The following OVGP1 variants were observed in gnomAD, a reference collection of about 807,000 sequenced individuals.
The protein encoded by OVGP1 is oviductal glycoprotein 1.
Under a neutral mutation model 48.2 loss-of-function variants are expected in OVGP1, and 26 were observed. That is an observed-to-expected ratio of 0.54 (90% CI 0.40 to 0.75). The LOEUF (loss-of-function observed/expected upper bound fraction) is 0.75, where lower values mean the gene tolerates loss of function less well. Among genes scored for constraint, OVGP1 ranks in the 30% least tolerant of loss-of-function variants. The pLI is 0.00. For synonymous variants in OVGP1, 294 were observed against 305.7 expected (o/e 0.96, Z 0.40); for missense variants, 791 against 820.6 (o/e 0.96, Z 0.44).
chr1:111,423,656 CTG>C lies in OVGP1; in HGVS notation c.368_369del (p.Ser123CysfsTer9). 1 of 1,614,150 alleles carries C rather than the reference CTG, an allele frequency of 6.2e-7. No individual in the cohort carries two copies. The highest frequency in any genetic ancestry group is 1.1e-5 in the South Asian group (1 of 91,084). ...TFANREKFIA[S>X]VISLLRTHDF... ...TCATGTGTCCTCAGAAGGGATATAACTGAAGCAATAAACTTTTCACGGTTGGC... is the reference window on the plus strand; with the variant it reads ...TCATGTGTCCTCAGAAGGGATATAACAAGCAATAAACTTTTCACGGTTGGC... On this transcript the variant is annotated frameshift_variant, in exon 5 of 11. Transcript: ENST00000369732. LOFTEE classifies it high-confidence loss of function.
intron 4 of OVGP1, among the ~76,000 whole-genome samples, chr1:111,424,742 C>A (rs1451243480): frequency 6.6e-6 from 1 of 152,210 alleles, no homozygotes; most frequent in Admixed American, 6.5e-5. Flanking sequence ...CACACACTCC[C>A]AGCCCACCAG....
At position 111,419,029 on chromosome 1, in the gene OVGP1, A is replaced by G. The variant is rs990731474; in HGVS notation, c.1020+581T>C. On this transcript the variant is annotated intron_variant, in intron 9 of 10. Coordinates refer to ENST00000369732, the MANE Select transcript of OVGP1 (RefSeq NM_002557.4). ...TGAAAATTAAAGGTCATCCACCTGT[A>G]GAAACCTGTTTTTGCCTTAAAATGC... Among the ~76,000 whole-genome samples, 8 of 152,222 alleles carry G rather than the reference A, an allele frequency of 5.3e-5. No homozygotes were observed. The East Asian group carries it at 1.5e-3, about 29-fold the overall frequency.
At chr1:111,423,429 TTCTG>T in intron 5 of OVGP1, 110 bp downstream of exon 5, 1 of 1,156,680 alleles carries the variant, frequency 8.6e-7, no homozygotes. Flanking sequence ...TAAAAGAACA[TTCTG>T]TCACCCTCTT....
chr1:111,417,255 C>T (rs1053424623), intron 9 of OVGP1, among the ~76,000 whole-genome samples: 1 of 152,228 alleles, frequency 6.6e-6, no homozygotes, highest in Non-Finnish European at 1.5e-5. Flanking sequence ...CCTTATCTCA[C>T]CGTGATGCTA....
At chr1:111,417,017 T>A (rs2101722892) in intron 9 of OVGP1, among the ~76,000 whole-genome samples, 1 of 152,384 alleles carries the variant, frequency 6.6e-6, no homozygotes, top group Non-Finnish European at 1.5e-5. Flanking sequence ...CAACTGAATT[T>A]CAGACTTTAA....
chr1:111,419,866 G>A (rs1557783065), intron 8 of OVGP1, 140 bp from the exon 9 acceptor site: 1 of 631,346 alleles, frequency 1.6e-6, no homozygotes. Context: ...AGAGAGAATG[G>A]AGAGGCCACT....
intron 9 of OVGP1, 62 bp from the exon 10 acceptor site, chr1:111,416,520 C>T (rs1652141728): frequency 1.4e-6 from 2 of 1,459,484 alleles, no homozygotes; most frequent in Admixed American, 4.0e-5. Context: ...GGTACAATGG[C>T]AAAAAACTGA....
chr1:111,427,438 G>A (rs115163870), intron 1 of OVGP1: 11,630 of 893,620 alleles, frequency 0.013, 97 homozygotes, highest in Non-Finnish European at 0.015. Flanking sequence ...GTCATGCAGA[G>A]ATTCTAACAG....
chr1:111,415,363 A>G lies in OVGP1; in HGVS notation c.1157-19T>C, dbSNP rs1433643863. On this transcript the variant is annotated intron_variant, in intron 10 of 10. Transcript: ENST00000369732. Reference sequence around the variant, plus strand: ...CTGAACTCTAGAGAAAATCAACAGAAAAGAATGAGATTCCTACCACTTCAT... The same window carrying G: ...CTGAACTCTAGAGAAAATCAACAGAGAAGAATGAGATTCCTACCACTTCAT... 1.3e-6 allele frequency: 2 copies of G among 1,590,636 alleles called. No homozygotes were observed. Among genetic ancestry groups the G allele is most frequent in the Non-Finnish European group, 1.7e-6 (2 of 1,166,180 alleles).
At chr1:111,419,560 G>C in intron 9 of OVGP1, 50 bp downstream of exon 9, 1 of 1,093,130 alleles carries the variant, frequency 9.1e-7, no homozygotes, top group Non-Finnish European at 1.4e-6. Flanking sequence ...GGACCCCATA[G>C]AAACCGGTAG....
At chr1:111,419,762 G>T in intron 8 of OVGP1, 36 bp from the exon 9 acceptor site, 1 of 1,251,616 alleles carries the variant, frequency 8.0e-7, no homozygotes. Flanking sequence ...TCTGGGAAGT[G>T]CCATGGAGAT....
At chr1:111,417,675 C>A (rs1026487666) in intron 9 of OVGP1, among the ~76,000 whole-genome samples, 1 of 151,974 alleles carries the variant, frequency 6.6e-6, no homozygotes, top group Non-Finnish European at 1.5e-5. Context: ...ACCCCAACAC[C>A]CCAGACCTCT....
At chr1:111,415,585 A>C (rs1652114926) in intron 10 of OVGP1, among the ~76,000 whole-genome samples, 1 of 152,086 alleles carries the variant, frequency 6.6e-6, no homozygotes, top group African/African-American at 2.4e-5. Context: ...GATTTGCTAC[A>C]TTTTCCATGA....
Position 111,419,653 on chromosome 1 carries a change from T to G in OVGP1, c.977A>C (p.Lys326Thr). 1 of 1,613,492 alleles carries G rather than the reference T, an allele frequency of 6.2e-7. No homozygotes were observed. The highest frequency in any genetic ancestry group is 8.5e-7 in the Non-Finnish European group (1 of 1,179,408). ...YQYVPYANKG[K>T]EWVGYDNAIS... ...GGCATTGTCATAGCCAACCCACTCT[T>G]TCCCCTTGTTGGCATACGGGACATA... The change falls in exon 9 of 11, where the codon AAA becomes ACA. Residue 326 changes from lysine (K) to threonine (T), a missense_variant. Lys to Thr is a moderately conservative substitution (Grantham distance 78, BLOSUM62 -1). Coordinates refer to ENST00000369732, the MANE Select transcript of OVGP1 (RefSeq NM_002557.4).
chr1:111,414,419 G>C lies in OVGP1; in HGVS notation c.*45C>G, dbSNP rs376680388. On this transcript the variant is annotated 3_prime_UTR_variant, in exon 11 of 11. Coordinates refer to ENST00000369732, the MANE Select transcript of OVGP1 (RefSeq NM_002557.4). ...GAGAAGGCTTCCAACATGTCACTTA[G>C]AAGAAAAGACAAGGGTTTTCCCTGG... is the stretch of plus-strand genomic sequence containing the variant. 2.5e-5 allele frequency: 38 copies of C among 1,533,104 alleles called. No homozygotes were observed. Among genetic ancestry groups the C allele is most frequent in the Non-Finnish European group, 3.3e-5 (37 of 1,136,218 alleles). The allele number at this position is 1,533,104 out of a possible 1,614,324, so 95.0% of individuals were successfully genotyped here.
At chr1:111,421,760 T>C in intron 6 of OVGP1, 87 bp from the exon 7 acceptor site, 2 of 819,032 alleles carry the variant, frequency 2.4e-6, no homozygotes, top group East Asian at 2.4e-5. Flanking sequence ...GCTAACTAGC[T>C]AGACATTGGT....
At chr1:111,423,508 A>G in intron 5 of OVGP1, 35 bp downstream of exon 5, 1 of 1,604,726 alleles carries the variant, frequency 6.2e-7, no homozygotes, top group Non-Finnish European at 8.5e-7. Context: ...AAGTAGAATC[A>G]TTTCTGGATT....
At chr1:111,420,714 A>G (rs557539813) in intron 8 of OVGP1, among the ~76,000 whole-genome samples, 28 of 152,268 alleles carry the variant, frequency 1.8e-4, no homozygotes, top group African/African-American at 6.3e-4. Flanking sequence ...TCCGCCACCC[A>G]ATAGCAAGCT....
intron 1 of OVGP1, chr1:111,427,471 G>C: frequency 1.3e-6 from 1 of 748,612 alleles, no homozygotes; most frequent in Non-Finnish European, 1.6e-6. Flanking sequence ...GTGGAACTCA[G>C]GCATTTAAAA....
Sources: allele counts gnomAD v4.1 joint callset (sites outside exome capture counted in the v4.1 genomes callset), GRCh38; gene constraint gnomAD v4.1.1; transcripts MANE v1.5; gene names NCBI Gene and HGNC (gene_info 2026-07-23, HGNC 2026-07-21).